RP1L1: variants seen among roughly 807,000 people sequenced by gnomAD.
RP1L1 encodes retinitis pigmentosa 1-like 1 protein.
In RP1L1, 27 loss-of-function variants were observed where a neutral mutation model predicts 15.7. The ratio of observed to expected loss-of-function variants is 1.72; its 90% CI spans 1.27 to 2.38. The LOEUF (loss-of-function observed/expected upper bound fraction) is 2.38. Among genes scored for constraint, RP1L1 ranks in the 30% most tolerant of loss-of-function variants. The probability of loss-of-function intolerance (pLI) is 0.00; values close to 1 mark genes in which losing one functional copy is unlikely to be tolerated. For synonymous variants in RP1L1, 1,813 were observed against 1,276.7 expected, an observed-to-expected ratio of 1.42 and a Z score of -8.96; for missense variants, 4,798 against 3,075.9, an observed-to-expected ratio of 1.56 and a Z score of -13.24.
intron 1 of RP1L1, among the ~76,000 whole-genome samples, chr8:10,627,431 G>C (rs1160292559): frequency 1.3e-5 from 2 of 152,102 alleles, no homozygotes; most frequent in African/African-American, 4.8e-5. Flanking sequence ...CCCTAAAGCA[G>C]TCAATTTTAT....
Position 10,654,677 on chromosome 8 carries a change from C to T in RP1L1, c.-20+221G>A, listed in dbSNP as rs75375907. ...TAAATCAACGAGCAGAAACCTGAAA[C>T]TCCACTGTGTCGTGTTTAAACATGA... On this transcript the variant is annotated intron_variant, in intron 1 of 3. Transcript: ENST00000382483. 1.6e-3 allele frequency among the ~76,000 whole-genome samples: 242 copies of T among 152,372 alleles called. 3 individuals are homozygous for T. In the East Asian group the frequency reaches 0.037, roughly 23 times the overall value.
At chr8:10,630,196 G>C (rs1798220112) in intron 1 of RP1L1, among the ~76,000 whole-genome samples, 1 of 152,220 alleles carries the variant, frequency 6.6e-6, no homozygotes, top group Non-Finnish European at 1.5e-5. Flanking sequence ...CAGTGGAGGG[G>C]GGAGCAGACC....
Position 10,607,706 on chromosome 8 carries a change from C to G in RP1L1, c.6392G>C (p.Gly2131Ala). The change falls in exon 4 of 4, where the codon GGT becomes GCT. Residue 2131 changes from glycine to alanine, a missense_variant. Physicochemically the swap from Gly to Ala is moderately conservative, Grantham distance 60. Coordinates refer to ENST00000382483, the MANE Select transcript of RP1L1 (RefSeq NM_178857.6). ...TEGEAQPESE[G>A]IEAPEAEGEA... ...CCCTTCAGCCTCTGGGGCCTCTATACCTTCTGACTCTGGCTGGGCCTCCCC... is the reference window on the plus strand; with the variant it reads ...CCCTTCAGCCTCTGGGGCCTCTATAGCTTCTGACTCTGGCTGGGCCTCCCC... 5 of 1,593,782 alleles carry G rather than the reference C, an allele frequency of 3.1e-6. No individual in the cohort carries two copies. The highest frequency in any genetic ancestry group is 4.3e-6 in the Non-Finnish European group (5 of 1,171,082).
intron 3 of RP1L1, among the ~76,000 whole-genome samples, chr8:10,614,236 T>A (rs1000017767): frequency 6.6e-6 from 1 of 152,140 alleles, no homozygotes; most frequent in Non-Finnish European, 1.5e-5. Flanking sequence ...CTAAGCCTCA[T>A]CAAGCTCCTG....
Position 10,611,402 on chromosome 8 carries a change from G to T in RP1L1, c.2696C>A (p.Pro899Gln). ...TGCCCCTGAATTGGGGCCTGGGGACGGCGTGGGGCCTGGCTGGCGTGTCCC... is the reference window on the plus strand; with the variant it reads ...TGCCCCTGAATTGGGGCCTGGGGACTGCGTGGGGCCTGGCTGGCGTGTCCC... ...QEGTRQPGPT[P>Q]SPGPNSGASR... Residue 899 changes from proline to glutamine, a missense_variant, in exon 4 of 4, where the codon CCG becomes CAG. Transcript: ENST00000382483. 1.2e-6 allele frequency: 2 copies of T among 1,600,604 alleles called. No homozygotes were observed. Among genetic ancestry groups the T allele is most frequent in the East Asian group, 2.3e-5 (1 of 44,342 alleles).
chr8:10,628,125 G>A (rs1278280867), intron 1 of RP1L1, among the ~76,000 whole-genome samples: 4 of 152,204 alleles, frequency 2.6e-5, no homozygotes, highest in African/African-American at 9.7e-5. Context: ...GGCTCTGCCA[G>A]TAACAAGCTG....
At chr8:10,616,421 G>A (rs1300814623) in intron 3 of RP1L1, 25 bp downstream of exon 3, 1 of 1,614,074 alleles carries the variant, frequency 6.2e-7, no homozygotes, top group Non-Finnish European at 8.5e-7. Flanking sequence ...CAAATCAGAT[G>A]GGGGAAACCC....
chr8:10,619,292 G>A (rs901689558), intron 2 of RP1L1, among the ~76,000 whole-genome samples: 6 of 152,206 alleles, frequency 3.9e-5, no homozygotes, highest in Non-Finnish European at 5.9e-5. Context: ...ACGTGGCAGC[G>A]AAGCACAGGC....
intron 1 of RP1L1, among the ~76,000 whole-genome samples, chr8:10,630,017 G>T (rs1481963854): frequency 1.3e-5 from 2 of 152,230 alleles, no homozygotes; most frequent in Admixed American, 6.5e-5. Flanking sequence ...AACATGCCTT[G>T]CTGAGGCCCC....
chr8:10,648,194 G>C (rs1452584943), intron 1 of RP1L1, among the ~76,000 whole-genome samples: 3 of 152,026 alleles, frequency 2.0e-5, no homozygotes, highest in African/African-American at 7.2e-5. Flanking sequence ...ACCATGCCTG[G>C]CTATTTTTTA....
At chr8:10,642,465 G>A (rs377068194) in intron 1 of RP1L1, among the ~76,000 whole-genome samples, 3 of 152,134 alleles carry the variant, frequency 2.0e-5, no homozygotes, top group African/African-American at 4.8e-5. Context: ...ACGCGTATGC[G>A]ATGGTTGGGG....
chr8:10,613,392 C>G (rs770927622), intron 3 of RP1L1, 46 bp from the exon 4 acceptor site: 11 of 1,598,114 alleles, frequency 6.9e-6, no homozygotes, highest in Non-Finnish European at 9.3e-6. Context: ...AGACTGTGAG[C>G]CATGGGGGCA....
At chr8:10,626,883 T>G (rs1798167226) in intron 1 of RP1L1, among the ~76,000 whole-genome samples, 1 of 152,170 alleles carries the variant, frequency 6.6e-6, no homozygotes, top group Non-Finnish European at 1.5e-5. Flanking sequence ...TGCTCCAACC[T>G]GATAGGTCAG....
Position 10,610,003 on chromosome 8 carries a change from TTCTCCTCC to T in RP1L1, c.4087_4094del (p.Gly1363ArgfsTer13). ...ACTGCACCCCCTCTTCTTGCAGCCCTTCTCCTCCTGTTTCTTCAATTTCCTCTAACTGC... is the reference window on the plus strand; with the variant it reads ...ACTGCACCCCCTCTTCTTGCAGCCCTTGTTTCTTCAATTTCCTCTAACTGC... On this transcript the variant is annotated frameshift_variant, in exon 4 of 4. Coordinates refer to ENST00000382483, the MANE Select transcript of RP1L1 (RefSeq NM_178857.6). LOFTEE classifies it low-confidence loss of function (END_TRUNC). 6.3e-7 allele frequency: 1 copy of T among 1,587,574 alleles called. No individual in the cohort carries two copies. Among genetic ancestry groups the T allele is most frequent in the Non-Finnish European group, 8.6e-7 (1 of 1,165,568 alleles).
chr8:10,613,321 C>T lies in RP1L1; in HGVS notation c.777G>A (p.Pro259=), dbSNP rs369463692. ...KNGSWGPKTK[P]SVIHSRSPPG... ...GCGGAGACCGCGAATGGATCACACT[C>T]GGCTTGGTCTTTGGCCCCCAGCTCC... The change falls in exon 4 of 4, where the codon CCG becomes CCA. Residue 259 remains proline (P), a synonymous_variant. Transcript: ENST00000382483. 94 of 1,600,886 alleles carry T rather than the reference C, an allele frequency of 5.9e-5. 1 individual carries two copies. The African/African-American group carries it at 8.5e-4, about 15-fold the overall frequency.
Position 10,616,560 on chromosome 8 carries a change from T to A in RP1L1, c.637A>T (p.Ser213Cys), listed in dbSNP as rs1797969253. Reference sequence around the variant, plus strand: ...CCGGCACACACCAGCACAGAGGGGCTGTGCAGCAGGGCCTGCAGCGAGTCC... The same window carrying A: ...CCGGCACACACCAGCACAGAGGGGCAGTGCAGCAGGGCCTGCAGCGAGTCC... The part of the protein sequence containing the change: ...KVDSLQALLH[S>C]PSVLVCAGHE... The change falls in exon 3 of 4, where the codon AGC becomes TGC. Residue 213 changes from serine (S) to cysteine (C), a missense_variant. Coordinates refer to ENST00000382483, the MANE Select transcript of RP1L1 (RefSeq NM_178857.6). 1.2e-6 allele frequency: 2 copies of A among 1,613,718 alleles called. No homozygotes were observed. Among genetic ancestry groups the A allele is most frequent in the Admixed American group, 1.7e-5 (1 of 60,022 alleles).
chr8:10,609,294 G>A lies in RP1L1; in HGVS notation c.4804C>T (p.Gln1602Ter). 1.2e-6 allele frequency: 2 copies of A among 1,610,820 alleles called. No homozygotes were observed. The highest frequency in any genetic ancestry group is 1.7e-6 in the Non-Finnish European group (2 of 1,179,704). The change falls in exon 4 of 4, where the codon CAG becomes TAG. Residue 1602 changes from glutamine to a stop codon, truncating the protein, a stop_gained. Coordinates refer to ENST00000382483, the MANE Select transcript of RP1L1 (RefSeq NM_178857.6). LOFTEE classifies it low-confidence loss of function (END_TRUNC). ...AGACGGTGTCTGCGCTGCTGGGTCT[G>A]CAGGAGCAGCTCCCCGGTGAGGGCC... Reference protein sequence around the residue: ...REALTGELLLQTQQRRHRLRG... With the variant: ...REALTGELLL
chr8:10,619,990 G>C (rs566336318), intron 2 of RP1L1, among the ~76,000 whole-genome samples: 3 of 150,046 alleles, frequency 2.0e-5, no homozygotes, highest in Admixed American at 1.3e-4. Flanking sequence ...AAGATGTTGA[G>C]AGAGGATTCT....
In RP1L1 at chr8:10,613,149, C is replaced by G. The variant is rs1266880209; in HGVS notation, c.949G>C (p.Glu317Gln). 5.6e-6 allele frequency: 9 copies of G among 1,613,868 alleles called. No homozygotes were observed. Among genetic ancestry groups the G allele is most frequent in the Non-Finnish European group, 7.6e-6 (9 of 1,180,010 alleles). Residue 317 changes from glutamate (E) to glutamine (Q), a missense_variant, in exon 4 of 4, where the codon GAG (glutamate) becomes CAG (glutamine). Glu to Gln is a conservative substitution (Grantham distance 29). Transcript: ENST00000382483. ...DDMKKKVRMN[E>Q]DGSLSVEMKV... is the part of the protein sequence containing the mutation. Reference sequence around the variant, plus strand: ...ATCTCCACGGACAGGCTGCCGTCCTCATTCATGCGGACCTTCTTCTTCATG... The same window carrying G: ...ATCTCCACGGACAGGCTGCCGTCCTGATTCATGCGGACCTTCTTCTTCATG...
Sources: allele counts gnomAD v4.1 joint callset (sites outside exome capture counted in the v4.1 genomes callset), GRCh38; gene constraint gnomAD v4.1.1; transcripts MANE v1.5; gene names NCBI Gene and HGNC (gene_info 2026-07-23, HGNC 2026-07-21).